The following EHD4 variants were observed in gnomAD, a reference collection of about 807,000 sequenced individuals.
EHD4 encodes EH domain containing 4.
EHD4 carries 37 observed loss-of-function variants against 51.0 expected under a neutral mutation model. That is an observed-to-expected ratio of 0.73 (90% CI 0.56 to 0.95). EHD4 has a LOEUF of 0.95. Ranked by LOEUF, EHD4 falls within the 40% of genes least tolerant of loss-of-function variation. The pLI is 0.00. For missense variants in EHD4, 632 were observed against 733.1 expected (o/e 0.86, Z 1.59); for synonymous variants, 297 against 317.3 (o/e 0.94, Z 0.68).
In EHD4 at chr15:41,972,328, G is replaced by A; in HGVS notation, c.167C>T (p.Ala56Val). The change falls in exon 1 of 6, where the codon GCC becomes GTC. Residue 56 changes from alanine (A) to valine (V), a missense_variant. By Grantham distance (64) the Ala-to-Val change is moderately conservative (BLOSUM62 0). Transcript: ENST00000220325. ...GATCATGGGCTTGTTCTCGAAGTCG[G>A]CGTCCTCCAGCGCAGGCGAGTGGAA... ...HEFHSPALED[A>V]DFENKPMILL... The A allele has an allele frequency of 6.2e-7, 1 of 1,611,260 alleles. No homozygotes were observed. The highest frequency in any genetic ancestry group is 8.5e-7 in the Non-Finnish European group (1 of 1,178,812).
chr15:41,958,389 G>A (rs1033601149), intron 1 of EHD4, among the ~76,000 whole-genome samples: 4 of 152,116 alleles, frequency 2.6e-5, no homozygotes, highest in African/African-American at 9.7e-5. Flanking sequence ...GTCCTGGTCC[G>A]ATGAGGTCCC....
Position 41,924,103 on chromosome 15 carries a change from A to G in EHD4, c.512-4481T>C, listed in dbSNP as rs79935328. ...AGGCATTGAGACTTTGTTAACTTTCAGCAAATTTGAGCTGTGGTTACTCTG... is the reference window on the plus strand; with the variant it reads ...AGGCATTGAGACTTTGTTAACTTTCGGCAAATTTGAGCTGTGGTTACTCTG... On this transcript the variant is annotated intron_variant, in intron 3 of 5. Coordinates refer to ENST00000220325, the MANE Select transcript of EHD4 (RefSeq NM_139265.4). Among the ~76,000 whole-genome samples the G allele has an allele frequency of 4.8e-3, 736 of 152,342 alleles. 4 individuals carry two copies. Among genetic ancestry groups the G allele is most frequent in the African/African-American group, 0.017 (691 of 41,588 alleles).
intron 1 of EHD4, among the ~76,000 whole-genome samples, chr15:41,960,670 ATTTT>A (rs577281838): frequency 7.8e-6 from 1 of 127,916 alleles, no homozygotes. Context: ...CTTCACTTAC[ATTTT>A]TTTTTTTTTT....
intron 1 of EHD4, among the ~76,000 whole-genome samples, chr15:41,967,538 T>C (rs1721344941): frequency 6.6e-6 from 1 of 152,266 alleles, no homozygotes; most frequent in East Asian, 1.9e-4. Context: ...GTAAAGGGTA[T>C]AATATTTGGA....
intron 3 of EHD4, among the ~76,000 whole-genome samples, chr15:41,925,127 G>A (rs2067653228): frequency 6.6e-6 from 1 of 150,772 alleles, no homozygotes; most frequent in Non-Finnish European, 1.5e-5. Context: ...AAAAGCAAAA[G>A]TAAATAGGAA....
At chr15:41,963,122 C>T (rs575551788) in intron 1 of EHD4, among the ~76,000 whole-genome samples, 1 of 152,184 alleles carries the variant, frequency 6.6e-6, no homozygotes, top group African/African-American at 2.4e-5. Context: ...ATCACCACTC[C>T]CTAATCTCAA....
Position 41,942,939 on chromosome 15 carries a change from G to A in EHD4, c.511+128C>T, listed in dbSNP as rs554328500. On this transcript the variant is annotated intron_variant, in intron 3 of 5. Transcript: ENST00000220325. ...CTATGAACTCCTGGTTGACACTTGG[G>A]GCCCCTTCAGCTGCCCAACAGCTGT... 759 of 836,912 alleles carry A rather than the reference G, an allele frequency of 9.1e-4. 5 individuals are homozygous for A. The Middle Eastern group carries it at 0.01, about 12-fold the overall frequency. The allele number at this position is 836,912 out of a possible 1,614,324, so 51.8% of individuals were successfully genotyped here. A position where few individuals can be genotyped will look rare whatever the true frequency, so the allele number is the denominator to read the frequency against.
At chr15:41,928,755 T>C (rs928742666) in intron 3 of EHD4, 5 of 152,058 alleles carry the variant, frequency 3.3e-5, no homozygotes, top group African/African-American at 9.7e-5. Flanking sequence ...GGAAGCAGTA[T>C]CTCAGCAACT....
chr15:41,939,829 A>G (rs946453840), intron 3 of EHD4, among the ~76,000 whole-genome samples: 6 of 151,374 alleles, frequency 4.0e-5, no homozygotes, highest in African/African-American at 1.5e-4. Context: ...TCTGCTAACC[A>G]TAATTGAACT....
chr15:41,940,501 C>T (rs1374146089), intron 3 of EHD4, among the ~76,000 whole-genome samples: 1 of 152,186 alleles, frequency 6.6e-6, no homozygotes, highest in East Asian at 1.9e-4. Context: ...TGACTTCCAC[C>T]ACCAGCTGCG....
intron 2 of EHD4, among the ~76,000 whole-genome samples, chr15:41,947,358 C>A (rs370524369): frequency 1.3e-5 from 2 of 152,168 alleles, no homozygotes. Context: ...AGGCTCCAGA[C>A]GTCTCCCTTA....
intron 3 of EHD4, among the ~76,000 whole-genome samples, chr15:41,926,943 C>T (rs543695265): frequency 5.9e-5 from 9 of 152,330 alleles, no homozygotes; most frequent in African/African-American, 2.2e-4. Flanking sequence ...GGAACAGAAC[C>T]GCCTTTCCTG....
chr15:41,928,315 A>G (rs538519276), intron 3 of EHD4: 3 of 152,190 alleles, frequency 2.0e-5, no homozygotes, highest in Admixed American at 6.5e-5. Flanking sequence ...CAACAATCCC[A>G]TGAAGTAGGT....
intron 3 of EHD4, among the ~76,000 whole-genome samples, chr15:41,938,010 T>C (rs1433518885): frequency 2.0e-5 from 3 of 152,232 alleles, no homozygotes; most frequent in Non-Finnish European, 4.4e-5. Context: ...TTATGTTTCA[T>C]AGACACCATA....
intron 1 of EHD4, among the ~76,000 whole-genome samples, chr15:41,966,426 AG>A (rs1468088156): frequency 1.3e-5 from 2 of 152,162 alleles, no homozygotes; most frequent in Admixed American, 1.3e-4. Context: ...CAGCATCCTC[AG>A]GAGCTGCCTT....
chr15:41,923,586 C>G lies in EHD4; in HGVS notation c.512-3964G>C, dbSNP rs539327193. 7.2e-5 allele frequency among the ~76,000 whole-genome samples: 11 copies of G among 152,278 alleles called. No homozygotes were observed. The East Asian group carries it at 2.1e-3, about 29-fold the overall frequency. On this transcript the variant is annotated intron_variant, in intron 3 of 5. Transcript: ENST00000220325. ...CTGAATCAGAATCCCTGGGGCTGAG[C>G]CTGGGGATCTGCACTTGGAAGCTTC...
At chr15:41,954,125 G>A (rs2067871018) in intron 1 of EHD4, among the ~76,000 whole-genome samples, 185 bp from the exon 2 acceptor site, 1 of 152,164 alleles carries the variant, frequency 6.6e-6, no homozygotes, top group Non-Finnish European at 1.5e-5. Flanking sequence ...CAAGGGAAGT[G>A]TACCGTGCTG....
At chr15:41,943,788 T>C (rs1054693418) in intron 2 of EHD4, among the ~76,000 whole-genome samples, 3 of 152,232 alleles carry the variant, frequency 2.0e-5, no homozygotes, top group African/African-American at 7.2e-5. Flanking sequence ...GACTGGGGCC[T>C]GTTTCCCCAT....
At chr15:41,907,236 C>T (rs1459862380) in intron 5 of EHD4, among the ~76,000 whole-genome samples, 1 of 152,268 alleles carries the variant, frequency 6.6e-6, no homozygotes, top group Non-Finnish European at 1.5e-5. Flanking sequence ...AACTGGGCCA[C>T]AGCTCAGGCT....
Sources: allele counts gnomAD v4.1 joint callset (sites outside exome capture counted in the v4.1 genomes callset), GRCh38; gene constraint gnomAD v4.1.1; transcripts MANE v1.5; gene names NCBI Gene and HGNC (gene_info 2026-07-23, HGNC 2026-07-21).